The following VPS4B variants were observed in gnomAD, a reference collection of about 807,000 sequenced individuals.
VPS4B encodes vacuolar protein sorting 4 homolog B, also known as vacuolar protein sorting-associated protein 4B.
VPS4B carries 23 observed loss-of-function variants against 56.1 expected under a neutral mutation model. The ratio of observed to expected loss-of-function variants is 0.41; its 90% CI spans 0.30 to 0.58. The LOEUF (loss-of-function observed/expected upper bound fraction) is 0.58, where lower values mean the gene tolerates loss of function less well. Ranked by LOEUF, VPS4B falls within the 20% of genes least tolerant of loss-of-function variation. The probability of loss-of-function intolerance (pLI) is 0.29; values close to 1 mark genes in which losing one functional copy is unlikely to be tolerated. For missense variants in VPS4B, 372 were observed against 531.9 expected, an observed-to-expected ratio of 0.70 and a Z score of 2.96; for synonymous variants, 177 against 186.0, an observed-to-expected ratio of 0.95 and a Z score of 0.39.
chr18:63,403,610 A>C, intron 5 of VPS4B, 97 bp downstream of exon 5: 2 of 1,271,332 alleles, frequency 1.6e-6, no homozygotes, highest in Non-Finnish European at 1.1e-6. Context: ...AATTTATTTA[A>C]GATAATTCAT....
intron 7 of VPS4B, 96 bp from the exon 8 acceptor site, chr18:63,399,419 T>C: frequency 9.5e-7 from 1 of 1,048,352 alleles, no homozygotes; most frequent in Non-Finnish European, 1.4e-6. Flanking sequence ...TGCTTTACCA[T>C]TAAAGTGCTT....
At chr18:63,413,419 G>A (rs1209997425) in intron 1 of VPS4B, among the ~76,000 whole-genome samples, 1 of 151,922 alleles carries the variant, frequency 6.6e-6, no homozygotes, top group African/African-American at 2.4e-5. Context: ...TGCGCCTATA[G>A]TCCCAGCTAC....
chr18:63,412,255 G>A (rs1916060335), intron 1 of VPS4B, among the ~76,000 whole-genome samples: 2 of 152,110 alleles, frequency 1.3e-5, no homozygotes, highest in African/African-American at 4.8e-5. Context: ...TTAATAATGG[G>A]CATTTTTAAA....
intron 10 of VPS4B, among the ~76,000 whole-genome samples, chr18:63,391,553 G>T (rs1441165379): frequency 6.6e-6 from 1 of 152,134 alleles, no homozygotes; most frequent in East Asian, 1.9e-4. Context: ...GATCTTTCAT[G>T]ATCTTTGATC....
Position 63,407,232 on chromosome 18 carries a change from TA to T in VPS4B, c.364+199del, listed in dbSNP as rs1050664105. On this transcript the variant is annotated intron_variant, in intron 4 of 10. Transcript: ENST00000238497. ...ATGTGAAGCCAACAAAACTATTACA[TA>T]AAAAAGACCAAACCATGATCCTAGA... is the stretch of plus-strand genomic sequence containing the variant. The T allele has an allele frequency of 9.4e-6, 5 of 530,360 alleles. No individual in the cohort carries two copies. In the African/African-American group the frequency reaches 9.6e-5, roughly 10 times the overall value. 32.9% of individuals were successfully genotyped at this position (530,360 alleles called of 1,614,324 possible).
At chr18:63,419,407 ACT>A (rs1246882785) in intron 1 of VPS4B, among the ~76,000 whole-genome samples, 3 of 150,600 alleles carry the variant, frequency 2.0e-5, no homozygotes, top group African/African-American at 4.9e-5. Flanking sequence ...ATAGAGTGAG[ACT>A]CTGTCTCAAA....
chr18:63,406,992 A>G (rs1016611619), intron 4 of VPS4B, among the ~76,000 whole-genome samples: 1 of 152,264 alleles, frequency 6.6e-6, no homozygotes, highest in East Asian at 1.9e-4. Flanking sequence ...ACTGAAAAGC[A>G]GATGAAGAGC....
rs181417090 is a variant in VPS4B, at chr18:63,422,413, A to G, written c.-154T>C. On this transcript the variant is annotated 5_prime_UTR_variant, in exon 1 of 11. Transcript: ENST00000238497. ...GCCTCCCTTCCGGAACTTGTTTTAG[A>G]CAACACTCTCTCCACCAGAGCTCCG... The G allele has an allele frequency of 3.2e-4, 189 of 599,528 alleles. No individual in the cohort carries two copies. The African/African-American group carries it at 3.4e-3, about 11-fold the overall frequency. 37.1% of individuals were successfully genotyped at this position (599,528 alleles called of 1,614,324 possible).
At chr18:63,417,804 T>C (rs1916203092) in intron 1 of VPS4B, among the ~76,000 whole-genome samples, 1 of 152,170 alleles carries the variant, frequency 6.6e-6, no homozygotes, top group Admixed American at 6.5e-5. Context: ...TGAATGACTG[T>C]GTCACCCCAG....
chr18:63,391,199 G>T, intron 10 of VPS4B, 123 bp from the exon 11 acceptor site: 1 of 649,862 alleles, frequency 1.5e-6, no homozygotes, highest in South Asian at 1.7e-5. Flanking sequence ...TTTGCAGTCT[G>T]CCATAAGATA....
chr18:63,411,989 C>A (rs1342604963), intron 1 of VPS4B, among the ~76,000 whole-genome samples: 1 of 152,112 alleles, frequency 6.6e-6, no homozygotes, highest in East Asian at 1.9e-4. Flanking sequence ...AAAGATATAA[C>A]AATAGTGGAA....
chr18:63,420,153 T>C (rs1469266673), intron 1 of VPS4B, among the ~76,000 whole-genome samples: 2 of 152,136 alleles, frequency 1.3e-5, no homozygotes, highest in Non-Finnish European at 2.9e-5. Flanking sequence ...AATTCAAGTA[T>C]GATGCATTCT....
intron 9 of VPS4B, among the ~76,000 whole-genome samples, chr18:63,396,118 C>T (rs1915662795): frequency 6.6e-6 from 1 of 152,198 alleles, no homozygotes; most frequent in African/African-American, 2.4e-5. Flanking sequence ...CCAGATTCTA[C>T]TCAAAAATAT....
At chr18:63,401,412 G>T (rs1480580912) in intron 5 of VPS4B, among the ~76,000 whole-genome samples, 3 of 152,012 alleles carry the variant, frequency 2.0e-5, no homozygotes, top group Non-Finnish European at 4.4e-5. Flanking sequence ...CCGCCATTAC[G>T]CCTGGCTAGT....
At chr18:63,392,209 G>T (rs771665481) in intron 10 of VPS4B, among the ~76,000 whole-genome samples, 11 of 152,140 alleles carry the variant, frequency 7.2e-5, no homozygotes, top group Non-Finnish European at 1.6e-4. Context: ...TTTGAAAACT[G>T]AGAATGTTCT....
chr18:63,413,863 A>G (rs1332160204), intron 1 of VPS4B, among the ~76,000 whole-genome samples: 2 of 152,346 alleles, frequency 1.3e-5, no homozygotes, highest in Non-Finnish European at 2.9e-5. Context: ...TGCTTCCTCT[A>G]TTGTAGCAGG....
At chr18:63,407,564 G>A (rs1334409853) in intron 3 of VPS4B, 65 bp from the exon 4 acceptor site, 16 of 1,283,706 alleles carry the variant, frequency 1.2e-5, no homozygotes, top group South Asian at 4.2e-5. Context: ...CAAAAATGAA[G>A]GAAAAATTAA....
At chr18:63,393,848 T>G (rs1376797998) in intron 9 of VPS4B, among the ~76,000 whole-genome samples, 2 of 152,046 alleles carry the variant, frequency 1.3e-5, no homozygotes, top group Non-Finnish European at 2.9e-5. Flanking sequence ...GGGATTCTCA[T>G]CCCTCAGCCT....
chr18:63,400,445 T>C (rs1915784622), intron 6 of VPS4B, 102 bp downstream of exon 6: 2 of 1,301,478 alleles, frequency 1.5e-6, no homozygotes, highest in East Asian at 5.0e-5. Context: ...CTGTATTACA[T>C]GACTTCTCTG....
Sources: gnomAD v4.1 joint callset for allele counts (sites outside exome capture counted in the v4.1 genomes callset) on GRCh38, gnomAD v4.1.1 for gene constraint, MANE v1.5 for transcripts, NCBI Gene and HGNC (gene_info 2026-07-23, HGNC 2026-07-21) for gene names.